SCAPER: variants seen among roughly 807,000 people sequenced by gnomAD.
The protein encoded by SCAPER is S-phase cyclin A associated protein in the ER.
In SCAPER, 98 loss-of-function variants were observed where a neutral mutation model predicts 182.2. The ratio of observed to expected loss-of-function variants is 0.54; its 90% CI spans 0.46 to 0.64. SCAPER has a LOEUF of 0.64. SCAPER is among the 30% of genes least tolerant of loss of function. The pLI is 0.00. For synonymous variants in SCAPER, 605 were observed against 564.6 expected, an observed-to-expected ratio of 1.07 and a Z score of -1.01; for missense variants, 1,432 against 1,690.0, an observed-to-expected ratio of 0.85 and a Z score of 2.68.
intron 7 of SCAPER, among the ~76,000 whole-genome samples, chr15:76,798,381 A>G (rs899415847): frequency 1.3e-5 from 2 of 151,538 alleles, no homozygotes; most frequent in Non-Finnish European, 2.9e-5. Flanking sequence ...AAAAGAAAAG[A>G]AAAAGAAAAA....
intron 22 of SCAPER, among the ~76,000 whole-genome samples, chr15:76,585,068 A>AC (rs1260925196): frequency 6.6e-6 from 1 of 152,170 alleles, no homozygotes; most frequent in Non-Finnish European, 1.5e-5. Context: ...AATCAAAAGT[A>AC]CCTATACTTG....
chr15:76,375,085 G>A (rs1157205008), intron 29 of SCAPER, among the ~76,000 whole-genome samples: 1 of 151,146 alleles, frequency 6.6e-6, no homozygotes, highest in Non-Finnish European at 1.5e-5. Flanking sequence ...GGGTGTGATG[G>A]TACCCGCCGG....
At chr15:76,353,818 G>T (rs749631670) in intron 30 of SCAPER, 131 bp downstream of exon 30, 20 of 702,602 alleles carry the variant, frequency 2.8e-5, no homozygotes, top group Non-Finnish European at 3.9e-5. Context: ...AATCAATTTT[G>T]GAGCACATAA....
chr15:76,537,869 C>T (rs552097351), intron 23 of SCAPER, among the ~76,000 whole-genome samples: 5 of 151,994 alleles, frequency 3.3e-5, no homozygotes, highest in Admixed American at 6.6e-5. Flanking sequence ...AACAAATTTA[C>T]GAGAAAAAAA....
chr15:76,735,394 T>C (rs902049541), intron 15 of SCAPER, among the ~76,000 whole-genome samples: 1 of 150,822 alleles, frequency 6.6e-6, no homozygotes, highest in Non-Finnish European at 1.5e-5. Context: ...CAGCAACAAT[T>C]TGGAAGAAAA....
intron 2 of SCAPER, among the ~76,000 whole-genome samples, chr15:76,878,461 T>C (rs574634356): frequency 6.6e-6 from 1 of 152,012 alleles, no homozygotes; most frequent in South Asian, 2.1e-4. Flanking sequence ...AAAGCACTAA[T>C]CATAAAGGAA....
chr15:76,535,271 C>A (rs1462918953), intron 23 of SCAPER, among the ~76,000 whole-genome samples: 1 of 152,026 alleles, frequency 6.6e-6, no homozygotes, highest in Non-Finnish European at 1.5e-5. Flanking sequence ...CGCCTGTAAT[C>A]CCAGCACTTT....
intron 2 of SCAPER, among the ~76,000 whole-genome samples, chr15:76,878,681 A>T (rs1271042350): frequency 6.6e-6 from 1 of 152,090 alleles, no homozygotes; most frequent in Non-Finnish European, 1.5e-5. Context: ...TAATCCTAGG[A>T]CTTTGGGAGG....
At chr15:76,801,977 C>T (rs1412976625) in intron 6 of SCAPER, among the ~76,000 whole-genome samples, 1 of 151,714 alleles carries the variant, frequency 6.6e-6, no homozygotes, top group East Asian at 1.9e-4. Flanking sequence ...GGAATGGTAA[C>T]CACTCTGTTA....
At chr15:76,567,248 A>C (rs116905657) in intron 23 of SCAPER, 1 of 411,728 alleles carries the variant, frequency 2.4e-6, no homozygotes, top group South Asian at 1.8e-5. Context: ...ATGTTGAATA[A>C]TAGTCCATTA....
At chr15:76,634,812 A>G (rs1388431742) in intron 21 of SCAPER, among the ~76,000 whole-genome samples, 1 of 151,886 alleles carries the variant, frequency 6.6e-6, no homozygotes, top group African/African-American at 2.4e-5. Context: ...AAACTTTGCC[A>G]AATTCCTTTA....
chr15:76,830,973 G>GT (rs796356573), intron 5 of SCAPER, among the ~76,000 whole-genome samples: 45 of 152,260 alleles, frequency 3.0e-4, no homozygotes, highest in African/African-American at 9.6e-4. Flanking sequence ...GAAGGGGTAA[G>GT]TAAAACAGGC....
At position 76,605,820 on chromosome 15, in the gene SCAPER, T is replaced by C. The variant is rs149613597; in HGVS notation, c.2711+15944A>G. Among the ~76,000 whole-genome samples the C allele has an allele frequency of 5.1e-4, 77 of 152,366 alleles. 1 individual carries two copies. Among genetic ancestry groups the C allele is most frequent in the African/African-American group, 1.7e-3 (72 of 41,582 alleles). ...TCTAGTTTATTTGCATAGAGATGTT[T>C]ATAGTATTCTCTGATGGTAGTTTGT... is the stretch of plus-strand genomic sequence containing the variant. On this transcript the variant is annotated intron_variant, in intron 22 of 31. Coordinates refer to ENST00000563290, the MANE Select transcript of SCAPER (RefSeq NM_020843.4).
chr15:76,523,627 A>G (rs938848673), intron 23 of SCAPER, among the ~76,000 whole-genome samples: 8 of 152,110 alleles, frequency 5.3e-5, no homozygotes, highest in Non-Finnish European at 1.5e-5. Flanking sequence ...GGTCTGCTTT[A>G]GGAAGACAGT....
intron 8 of SCAPER, among the ~76,000 whole-genome samples, chr15:76,791,403 C>T (rs945377730): frequency 6.6e-6 from 1 of 152,118 alleles, no homozygotes; most frequent in Non-Finnish European, 1.5e-5. Flanking sequence ...AGAAGGACAA[C>T]GAGATCAGAT....
intron 29 of SCAPER, among the ~76,000 whole-genome samples, chr15:76,374,007 G>A (rs2042367530): frequency 6.7e-6 from 1 of 150,026 alleles, no homozygotes; most frequent in Admixed American, 6.7e-5. Context: ...TTTTATTCCT[G>A]CCCAGATCTA....
At chr15:76,575,742 A>G (rs967293585) in intron 22 of SCAPER, among the ~76,000 whole-genome samples, 1 of 152,180 alleles carries the variant, frequency 6.6e-6, no homozygotes, top group Non-Finnish European at 1.5e-5. Context: ...CTCTGATTTG[A>G]CTATTTCTTC....
chr15:76,718,183 A>G (rs79430107), intron 17 of SCAPER, among the ~76,000 whole-genome samples: 6,993 of 152,312 alleles, frequency 0.046, 475 homozygotes, highest in African/African-American at 0.15. Flanking sequence ...GTCATGAGTT[A>G]AAGAAGAAAT....
chr15:76,796,174 T>C (rs2065311901), intron 7 of SCAPER, among the ~76,000 whole-genome samples: 1 of 152,196 alleles, frequency 6.6e-6, no homozygotes, highest in Non-Finnish European at 1.5e-5. Context: ...AAAAGCATGA[T>C]GCCTCACTGA....
Sources: allele counts gnomAD v4.1 joint callset (sites outside exome capture counted in the v4.1 genomes callset), GRCh38; gene constraint gnomAD v4.1.1; transcripts MANE v1.5; gene names NCBI Gene and HGNC (gene_info 2026-07-23, HGNC 2026-07-21).